The following PDE4D variants were observed in gnomAD, a reference collection of about 807,000 sequenced individuals.
PDE4D encodes the protein phosphodiesterase 4D, also known as 3',5'-cyclic-AMP phosphodiesterase 4D.
A neutral mutation model predicts 87.4 loss-of-function variants in PDE4D; 24 were observed. The observed-to-expected ratio is 0.27, with a 90% CI of 0.20 to 0.39. The LOEUF is 0.39. PDE4D is among the 10% of genes least tolerant of loss of function. PDE4D has a pLI of 1.00. For missense variants in PDE4D, 714 were observed against 1,041.0 expected, an observed-to-expected ratio of 0.69 and a Z score of 4.32; for synonymous variants, 384 against 383.2, an observed-to-expected ratio of 1.00 and a Z score of -0.02.
intron 5 of PDE4D, among the ~76,000 whole-genome samples, chr5:59,105,859 T>C (rs1159040471): frequency 6.6e-6 from 1 of 152,144 alleles, no homozygotes; most frequent in Non-Finnish European, 1.5e-5. Context: ...TTGGTGAAGT[T>C]CTAGAGATGT....
intron 1 of PDE4D, among the ~76,000 whole-genome samples, chr5:59,729,884 A>G (rs1757135952): frequency 6.6e-6 from 1 of 152,086 alleles, no homozygotes; most frequent in Non-Finnish European, 1.5e-5. Context: ...TTCTGAAACC[A>G]AGTCAAAAGT....
intron 1 of PDE4D, among the ~76,000 whole-genome samples, chr5:59,852,575 C>A (rs1244308927): frequency 6.6e-6 from 1 of 152,042 alleles, no homozygotes; most frequent in Non-Finnish European, 1.5e-5. Flanking sequence ...GAATGCAGTC[C>A]TGATGTATAT....
At chr5:59,816,829 C>T (rs1030396259) in intron 1 of PDE4D, among the ~76,000 whole-genome samples, 12 of 152,264 alleles carry the variant, frequency 7.9e-5, no homozygotes, top group African/African-American at 2.6e-4. Flanking sequence ...CAAGAGATAT[C>T]GTGGGTGGGA....
At chr5:59,944,444 C>G (rs1256989782) in intron 3 of PDE4D, among the ~76,000 whole-genome samples, 1 of 152,134 alleles carries the variant, frequency 6.6e-6, no homozygotes, top group African/African-American at 2.4e-5. Context: ...GCCATCTCGG[C>G]TAACTGCAAG....
intron 1 of PDE4D, chr5:59,356,799 A>T (rs1781448481): frequency 1.9e-6 from 3 of 1,570,658 alleles, no homozygotes; most frequent in Non-Finnish European, 2.6e-6. Context: ...TGGCTCTTGT[A>T]GATGGTCCTG....
At chr5:59,945,571 G>A (rs1757646823) in intron 3 of PDE4D, among the ~76,000 whole-genome samples, 2 of 152,110 alleles carry the variant, frequency 1.3e-5, no homozygotes, top group South Asian at 4.1e-4. Context: ...CTAAAACATG[G>A]CAACATCATC....
chr5:59,871,199 G>A (rs1747770120), intron 1 of PDE4D, among the ~76,000 whole-genome samples: 1 of 152,128 alleles, frequency 6.6e-6, no homozygotes, highest in African/African-American at 2.4e-5. Flanking sequence ...GGTTGGTCTG[G>A]TCTAAGCAAG....
chr5:59,093,727 A>G (rs1769168528), intron 5 of PDE4D, among the ~76,000 whole-genome samples: 1 of 152,186 alleles, frequency 6.6e-6, no homozygotes, highest in African/African-American at 2.4e-5. Context: ...ATGCACCTGT[A>G]TATGTCTTGC....
At chr5:59,098,627 G>A (rs1316108320) in intron 5 of PDE4D, among the ~76,000 whole-genome samples, 3 of 139,062 alleles carry the variant, frequency 2.2e-5, no homozygotes, top group African/African-American at 5.3e-5. Flanking sequence ...TTGCTTGAGT[G>A]CAGGAGGCTA....
chr5:59,741,081 A>T (rs1038553853), intron 1 of PDE4D, among the ~76,000 whole-genome samples: 1 of 152,208 alleles, frequency 6.6e-6, no homozygotes, highest in African/African-American at 2.4e-5. Flanking sequence ...GAGCAGAGAT[A>T]CTGAATCAAT....
intron 1 of PDE4D, among the ~76,000 whole-genome samples, chr5:60,450,671 C>T (rs1746028894): frequency 1.3e-5 from 2 of 152,122 alleles, no homozygotes; most frequent in Admixed American, 1.3e-4. Flanking sequence ...CACTATTATA[C>T]TTCTTCTATC....
chr5:59,570,347 C>T (rs1821621122), intron 1 of PDE4D, among the ~76,000 whole-genome samples: 1 of 152,142 alleles, frequency 6.6e-6, no homozygotes, highest in Admixed American at 6.5e-5. Flanking sequence ...ATTATTGCTT[C>T]TCTAATAAAT....
At chr5:59,777,622 A>G (rs1764206938) in intron 1 of PDE4D, among the ~76,000 whole-genome samples, 1 of 152,180 alleles carries the variant, frequency 6.6e-6, no homozygotes, top group Non-Finnish European at 1.5e-5. Flanking sequence ...ATTGCTCCAT[A>G]TGTATCTTGG....
intron 1 of PDE4D, among the ~76,000 whole-genome samples, chr5:59,797,935 G>T (rs1313478934): frequency 6.6e-6 from 1 of 152,002 alleles, no homozygotes; most frequent in African/African-American, 2.4e-5. Flanking sequence ...GAATTTCTAG[G>T]TCAAATAGGA....
At chr5:59,134,346 G>A (rs967956755) in intron 5 of PDE4D, among the ~76,000 whole-genome samples, 19 of 151,720 alleles carry the variant, frequency 1.3e-4, no homozygotes, top group African/African-American at 2.9e-4. Flanking sequence ...AAGAATAACT[G>A]ATAAAATCAA....
At chr5:60,501,305 C>T (rs1361602240) in intron 1 of PDE4D, among the ~76,000 whole-genome samples, 1 of 152,110 alleles carries the variant, frequency 6.6e-6, no homozygotes, top group East Asian at 1.9e-4. Flanking sequence ...CCAATTTCAT[C>T]CATGTCCCTA....
chr5:60,407,571 G>A (rs751526800), intron 1 of PDE4D, among the ~76,000 whole-genome samples: 5 of 144,226 alleles, frequency 3.5e-5, no homozygotes, highest in African/African-American at 7.9e-5. Context: ...CTCCTGCCTC[G>A]GCCTCTGAGT....
At chr5:60,309,614 T>C (rs1171633762) in intron 1 of PDE4D, among the ~76,000 whole-genome samples, 5 of 152,112 alleles carry the variant, frequency 3.3e-5, no homozygotes, top group Non-Finnish European at 7.3e-5. Flanking sequence ...TTATAATATT[T>C]CTTAACAGAG....
At chr5:60,213,705 C>A (rs1053937787) in intron 1 of PDE4D, among the ~76,000 whole-genome samples, 6 of 152,102 alleles carry the variant, frequency 3.9e-5, no homozygotes, top group Non-Finnish European at 7.4e-5. Flanking sequence ...TTGGCTGCTG[C>A]GTTTCTGCTA....
Sources: allele counts gnomAD v4.1 joint callset (sites outside exome capture counted in the v4.1 genomes callset), GRCh38; gene constraint gnomAD v4.1.1; transcripts MANE v1.5; gene names NCBI Gene and HGNC (gene_info 2026-07-23, HGNC 2026-07-21).